Variants in TEX36 observed in about 807,000 individuals in gnomAD.
TEX36 encodes the protein testis-expressed protein 36.
TEX36 carries 12 observed loss-of-function variants against 13.6 expected under a neutral mutation model. The ratio of observed to expected loss-of-function variants is 0.88; its 90% confidence interval spans 0.56 to 1.43. The LOEUF is 1.43. Ranked by LOEUF, TEX36 falls within the 40% of genes most tolerant of loss-of-function variation. TEX36 has a pLI of 0.00. For missense variants in TEX36, 224 were observed against 228.3 expected (o/e 0.98, Z 0.12); for synonymous variants, 93 against 83.0 (o/e 1.12, Z -0.65).
At chr10:125,617,047 C>A (rs1409556970), downstream of TEX36, among the ~76,000 whole-genome samples, 1 of 152,228 alleles carries the variant, frequency 6.6e-6, no homozygotes, top group Non-Finnish European at 1.5e-5. Context: ...TAATGGCCTT[C>A]TTTGTCTCTT....
chr10:125,584,426 T>C (rs895460245), intron 3 of TEX36, among the ~76,000 whole-genome samples: 2 of 152,252 alleles, frequency 1.3e-5, no homozygotes, highest in Non-Finnish European at 2.9e-5. Flanking sequence ...CCCCTAATTT[T>C]AACAGCCATT....
chr10:125,578,910 C>T (rs1312146305), intron 3 of TEX36, among the ~76,000 whole-genome samples: 1 of 152,202 alleles, frequency 6.6e-6, no homozygotes, highest in Non-Finnish European at 1.5e-5. Context: ...CCACCTCTAC[C>T]TTTCCCCACA....
chr10:125,587,786 TAAAA>T (rs56198506), intron 3 of TEX36, among the ~76,000 whole-genome samples: 8 of 101,882 alleles, frequency 7.9e-5, no homozygotes, highest in African/African-American at 1.5e-4. Flanking sequence ...GTCTCAAAAT[TAAAA>T]AAAAAAAAAA....
rs1303893358 is a variant in TEX36, at chr10:125,680,167, G to A, written c.51+2772C>T. The stretch of plus-strand genomic sequence containing the variant: ...AATATAAATAATACAAAGGGTCTTC[G>A]GGTTCTGAACCTTTTCCTTCACCCT... On this transcript the variant is annotated intron_variant, in intron 1 of 3. Transcript: ENST00000368821. Among the ~76,000 whole-genome samples, 6 of 151,928 alleles carry A rather than the reference G, an allele frequency of 3.9e-5. No individual in the cohort carries two copies. The East Asian group carries it at 9.6e-4, about 24-fold the overall frequency.
downstream of TEX36, chr10:125,621,485 C>T: frequency 2.5e-6 from 1 of 400,708 alleles, no homozygotes; most frequent in Middle Eastern, 7.5e-4. Context: ...TGTGTATCTT[C>T]CCAGTGTGTA....
At chr10:125,681,861 T>G (rs1847399671) in intron 1 of TEX36, among the ~76,000 whole-genome samples, 1 of 152,204 alleles carries the variant, frequency 6.6e-6, no homozygotes, top group South Asian at 2.1e-4. Context: ...TGGTACATTA[T>G]GCTCCCATTT....
intron 3 of TEX36, among the ~76,000 whole-genome samples, chr10:125,613,821 G>T (rs1025266987): frequency 6.6e-6 from 1 of 152,114 alleles, no homozygotes; most frequent in South Asian, 2.1e-4. Flanking sequence ...GGGTCAAATG[G>T]TATTTCTAGT....
intron 3 of TEX36, among the ~76,000 whole-genome samples, chr10:125,608,815 A>G (rs1846249806): frequency 6.6e-6 from 1 of 151,946 alleles, no homozygotes; most frequent in East Asian, 1.9e-4. Context: ...GGTATGTTAG[A>G]GGTAATACAT....
At chr10:125,613,852 C>A (rs1327167628) in intron 3 of TEX36, among the ~76,000 whole-genome samples, 2 of 152,160 alleles carry the variant, frequency 1.3e-5, no homozygotes, top group African/African-American at 4.8e-5. Context: ...TGAGGAATTG[C>A]CACACTGACT....
chr10:125,647,631 T>C (rs1293258426), intron 3 of TEX36, among the ~76,000 whole-genome samples: 1 of 152,162 alleles, frequency 6.6e-6, no homozygotes, highest in African/African-American at 2.4e-5. Context: ...ATTTCTACAT[T>C]TCCAACTGAG....
intron 3 of TEX36, among the ~76,000 whole-genome samples, chr10:125,605,990 T>G (rs1388493374): frequency 6.6e-6 from 1 of 152,224 alleles, no homozygotes; most frequent in East Asian, 1.9e-4. Flanking sequence ...CTAAAATCAA[T>G]GATGCATTTA....
intron 3 of TEX36, among the ~76,000 whole-genome samples, chr10:125,658,959 T>G (rs1297620097): frequency 6.6e-6 from 1 of 152,014 alleles, no homozygotes; most frequent in Non-Finnish European, 1.5e-5. Context: ...AAAACAAATT[T>G]TAAGGAACAA....
Position 125,683,134 on chromosome 10 carries a change from C to T in TEX36, c.-145G>A, listed in dbSNP as rs1847423678. The T allele has an allele frequency of 2.2e-6, 2 of 924,402 alleles. No homozygotes were observed. The highest frequency in any genetic ancestry group is 5.3e-5 in the East Asian group (2 of 37,778). 57.3% of individuals were successfully genotyped at this position (924,402 alleles called of 1,614,324 possible). On this transcript the variant is annotated 5_prime_UTR_variant, in exon 1 of 4. Coordinates refer to ENST00000368821, the MANE Select transcript of TEX36 (RefSeq NM_001128202.3). ...CTCCTTGTTCCTGATCTTTACTTCT[C>T]AGCCTCTTCCAGGAGGGGAAGGTGC...
chr10:125,599,004 C>T (rs1846112766), intron 3 of TEX36, among the ~76,000 whole-genome samples: 1 of 152,164 alleles, frequency 6.6e-6, no homozygotes, highest in African/African-American at 2.4e-5. Flanking sequence ...TCTTTCTTAA[C>T]CATGACCTTG....
At chr10:125,667,872 C>T (rs1847149251) in intron 1 of TEX36, 1 of 1,519,720 alleles carries the variant, frequency 6.6e-7, no homozygotes. Context: ...ATGCCCTTGC[C>T]CAGTGCCACG....
At chr10:125,586,467 T>C (rs544913224) in intron 3 of TEX36, among the ~76,000 whole-genome samples, 2 of 152,130 alleles carry the variant, frequency 1.3e-5, no homozygotes, top group Admixed American at 6.5e-5. Flanking sequence ...TCCAATAATA[T>C]ATTCCTTAAT....
chr10:125,628,572 T>C lies in TEX36; in HGVS notation c.265-6927A>G, dbSNP rs1192122306. Among the ~76,000 whole-genome samples, 4 of 152,352 alleles carry C rather than the reference T, an allele frequency of 2.6e-5. No individual in the cohort carries two copies. The East Asian group carries it at 5.8e-4, about 22-fold the overall frequency. ...ATTTTTCTCTCCCGATGATGATAATTAGATTTCCGGACACAGGAAGGAAGT... is the reference window on the plus strand; with the variant it reads ...ATTTTTCTCTCCCGATGATGATAATCAGATTTCCGGACACAGGAAGGAAGT... On this transcript the variant is annotated intron_variant, in intron 3 of 3. Transcript: ENST00000526819.
chr10:125,585,095 AG>A (rs1049533222), intron 3 of TEX36, among the ~76,000 whole-genome samples: 4 of 152,220 alleles, frequency 2.6e-5, no homozygotes, highest in African/African-American at 9.7e-5. Flanking sequence ...AAGAATGGAA[AG>A]AAAAACACCA....
intron 3 of TEX36, among the ~76,000 whole-genome samples, chr10:125,636,086 G>A (rs1259308994): frequency 6.6e-6 from 1 of 151,928 alleles, no homozygotes; most frequent in Non-Finnish European, 1.5e-5. Context: ...TGTTGCCCAG[G>A]CTGGTCTGGA....
Sources: gnomAD v4.1 joint callset for allele counts (sites outside exome capture counted in the v4.1 genomes callset) on GRCh38, gnomAD v4.1.1 for gene constraint, MANE v1.5 for transcripts, NCBI Gene and HGNC (gene_info 2026-07-23, HGNC 2026-07-21) for gene names.